Variants in ATP11A observed in about 807,000 individuals in gnomAD.
ATP11A encodes the protein ATPase phospholipid transporting 11A, also known as phospholipid-transporting ATPase IH.
In ATP11A, 81 loss-of-function variants were observed where a neutral mutation model predicts 154.4. That is an observed-to-expected ratio of 0.52 (90% confidence interval 0.44 to 0.63). The LOEUF is 0.63. ATP11A is among the 30% of genes least tolerant of loss of function. ATP11A has a pLI of 0.00. For synonymous variants in ATP11A, 623 were observed against 585.9 expected (o/e 1.06, Z -0.91); for missense variants, 1,316 against 1,474.3 (o/e 0.89, Z 1.76).
chr13:112,787,404 A>G lies in ATP11A; in HGVS notation c.162+2147A>G, dbSNP rs71446638. On this transcript the variant is annotated intron_variant, in intron 2 of 29. Transcript: ENST00000375645. ...CCTACTTAATCCACACCAGTGTCCT[A>G]ATGTGTAGACCCCTGTGGAGACCTA... Among the ~76,000 whole-genome samples the G allele has an allele frequency of 2.2e-3, 147 of 67,688 alleles. 1 individual carries two copies. The highest frequency in any genetic ancestry group is 8.8e-3 in the African/African-American group (100 of 11,354). 44.4% of individuals were successfully genotyped at this position (67,688 alleles called of 152,430 possible).
chr13:112,796,826 G>A (rs1311045332), intron 2 of ATP11A, among the ~76,000 whole-genome samples: 1 of 152,104 alleles, frequency 6.6e-6, no homozygotes, highest in Non-Finnish European at 1.5e-5. Flanking sequence ...CCACATCGGG[G>A]ATTTGTAATA....
Position 112,852,787 on chromosome 13 carries a change from G to T in ATP11A, c.1992-1492G>T, listed in dbSNP as rs1336413727. On this transcript the variant is annotated intron_variant, in intron 18 of 29. Transcript: ENST00000375645. The stretch of plus-strand genomic sequence containing the variant: ...GTGGAGAGTTAATGCCTGGTTGGCG[G>T]GGGGGGATCTCAGTGGCTTTTTCGT... 4.8e-5 allele frequency among the ~76,000 whole-genome samples: 7 copies of T among 145,254 alleles called. 1 individual carries two copies. The South Asian group carries it at 1.3e-3, about 27-fold the overall frequency.
chr13:112,826,802 TTCA>T lies in ATP11A; in HGVS notation c.1136_1138del (p.Ile379del). On this transcript the variant is annotated inframe_deletion, in exon 12 of 30. Coordinates refer to ENST00000375645, the MANE Select transcript of ATP11A (RefSeq NM_015205.3). ...GATGCAGAAGTTCCTCGGCTCTTAC[TTCA>T]TCACCTGGGACGAAGACATGTTTGA... 1 of 1,614,186 alleles carries T rather than the reference TTCA, an allele frequency of 6.2e-7. No individual in the cohort carries two copies. The highest frequency in any genetic ancestry group is 8.5e-7 in the Non-Finnish European group (1 of 1,180,032).
intron 17 of ATP11A, among the ~76,000 whole-genome samples, chr13:112,844,619 C>T (rs1204524572): frequency 2.0e-5 from 3 of 152,234 alleles, no homozygotes; most frequent in African/African-American, 7.2e-5. Context: ...CTTTCACTCC[C>T]ATAACTGCTG....
At chr13:112,819,541 T>G (rs1455215832) in intron 7 of ATP11A, 134 bp downstream of exon 7, 1 of 720,712 alleles carries the variant, frequency 1.4e-6, no homozygotes. Context: ...AGATTAAGAC[T>G]GAGTCAAAAA....
chr13:112,704,112 G>A (rs112083939), intron 1 of ATP11A, among the ~76,000 whole-genome samples: 6 of 152,344 alleles, frequency 3.9e-5, no homozygotes, highest in Non-Finnish European at 5.9e-5. Context: ...GGGGAGTCAC[G>A]GGAGGGCTCG....
chr13:112,851,111 G>T lies in ATP11A; in HGVS notation c.1884G>T (p.Leu628=), dbSNP rs776752208. Residue 628 remains leucine, a synonymous_variant, in exon 18 of 30, where the codon CTG becomes CTT. Coordinates refer to ENST00000375645, the MANE Select transcript of ATP11A (RefSeq NM_015205.3). ...AATATGAAGGCATTTGTAAGCTGCT[G>T]CAGGCTGCCAAAGTGGCCCTTCAAG... The part of the protein sequence containing the change: ...QEEYEGICKL[L]QAAKVALQDR... 1.2e-6 allele frequency: 2 copies of T among 1,614,238 alleles called. No individual in the cohort carries two copies. The highest frequency in any genetic ancestry group is 1.1e-5 in the South Asian group (1 of 91,082).
At chr13:112,752,659 C>T (rs2076722490) in intron 1 of ATP11A, among the ~76,000 whole-genome samples, 1 of 152,188 alleles carries the variant, frequency 6.6e-6, no homozygotes, top group Admixed American at 6.5e-5. Context: ...AACTTAATTG[C>T]CCTTTCAGTG....
intron 29 of ATP11A, chr13:112,880,899 A>C (rs2080866359): frequency 2.0e-6 from 2 of 998,082 alleles, no homozygotes; most frequent in Non-Finnish European, 2.4e-6. Context: ...ACACAGCCTG[A>C]CCAGACCCAG....
chr13:112,761,701 C>T (rs1289316382), intron 1 of ATP11A, among the ~76,000 whole-genome samples: 1 of 150,786 alleles, frequency 6.6e-6, no homozygotes, highest in Admixed American at 6.6e-5. Flanking sequence ...GGTACTATCT[C>T]GGATTCAGGA....
rs2077598392 is a variant in ATP11A at position 112,785,333 on chromosome 13, T to C, written c.162+76T>C. ...CGGGGGGTGTTAGTGCTTCTCGGTT[T>C]CAAAGAGCGGCTCTGCTCCTGGCCC... On this transcript the variant is annotated intron_variant, in intron 2 of 29. Transcript: ENST00000375645. This position sits in a 1 kb window ranked among gnomAD's most constrained non-coding sequence, Gnocchi z 4.8. 1.9e-5 allele frequency: 26 copies of C among 1,341,186 alleles called. No individual in the cohort carries two copies. The highest frequency in any genetic ancestry group is 3.0e-5 in the African/African-American group (2 of 66,228). 83.1% of individuals were successfully genotyped at this position (1,341,186 alleles called of 1,614,324 possible). A position where few individuals can be genotyped will look rare whatever the true frequency, so the allele number is the denominator to read the frequency against.
At chr13:112,794,603 C>T (rs2077947623) in intron 2 of ATP11A, among the ~76,000 whole-genome samples, 1 of 152,226 alleles carries the variant, frequency 6.6e-6, no homozygotes, top group African/African-American at 2.4e-5. Context: ...GGCGCAGTGG[C>T]TCACACCTGT....
intron 2 of ATP11A, among the ~76,000 whole-genome samples, chr13:112,803,896 C>A (rs371103547): frequency 7.7e-4 from 61 of 78,996 alleles, no homozygotes; most frequent in East Asian, 1.2e-3. Flanking sequence ...CATTCCCCTC[C>A]TTCCCTCCTT....
At chr13:112,715,448 T>C (rs7400377) in intron 1 of ATP11A, among the ~76,000 whole-genome samples, 3 of 6,266 alleles carry the variant, frequency 4.8e-4, no homozygotes, top group Admixed American at 2.1e-3. Context: ...CTGGCCCACC[T>C]CCCCACACCT....
intron 2 of ATP11A, among the ~76,000 whole-genome samples, chr13:112,792,469 T>G (rs77864461): frequency 0.02 from 3,026 of 152,336 alleles, 110 homozygotes; most frequent in African/African-American, 0.07. Flanking sequence ...TAGTTAAGAC[T>G]TTTTAAGTGC....
At chr13:112,860,501 A>G in intron 24 of ATP11A, 87 bp downstream of exon 24, 1 of 1,539,296 alleles carries the variant, frequency 6.5e-7, no homozygotes, top group Non-Finnish European at 8.9e-7. Context: ...CACCTGGCAG[A>G]CCTCAGTTGA....
intron 1 of ATP11A, among the ~76,000 whole-genome samples, chr13:112,723,932 C>T (rs1024800162): frequency 5.3e-5 from 8 of 151,926 alleles, no homozygotes; most frequent in East Asian, 1.9e-4. Context: ...CACACGGGCT[C>T]GGGTGGCATG....
chr13:112,796,298 T>C (rs2077996997), intron 2 of ATP11A, among the ~76,000 whole-genome samples: 1 of 152,234 alleles, frequency 6.6e-6, no homozygotes. Context: ...GTCCACATCC[T>C]GATCCCCAGA....
chr13:112,824,444 G>T lies in ATP11A; in HGVS notation c.872+19G>T. The T allele has an allele frequency of 6.2e-7, 1 of 1,610,446 alleles. No individual in the cohort carries two copies. Among genetic ancestry groups the T allele is most frequent in the Non-Finnish European group, 8.5e-7 (1 of 1,176,680 alleles). On this transcript the variant is annotated intron_variant, in intron 10 of 29. Coordinates refer to ENST00000375645, the MANE Select transcript of ATP11A (RefSeq NM_015205.3). Reference sequence around the variant, plus strand: ...TGGAAAAGTAAGGCTGGATGCGCGTGAGAACCTGCAACTTAAAAGTGTCAT... The same window carrying T: ...TGGAAAAGTAAGGCTGGATGCGCGTTAGAACCTGCAACTTAAAAGTGTCAT...
Sources: gnomAD v4.1 joint callset for allele counts (sites outside exome capture counted in the v4.1 genomes callset) on GRCh38, gnomAD v4.1.1 for gene constraint, Gnocchi (gnomAD v3.1) non-coding constraint, MANE v1.5 for transcripts, NCBI Gene and HGNC (gene_info 2026-07-23, HGNC 2026-07-21) for gene names.